Variants in INPP4B observed in about 807,000 individuals in gnomAD.
The protein encoded by INPP4B is inositol polyphosphate-4-phosphatase type II B, also known as inositol polyphosphate 4-phosphatase type II.
In INPP4B, 55 loss-of-function variants were observed where a neutral mutation model predicts 122.5. That is an observed-to-expected ratio of 0.45 (90% CI 0.36 to 0.56). INPP4B has a LOEUF of 0.56. Ranked by LOEUF, INPP4B falls within the 20% of genes least tolerant of loss-of-function variation. The pLI is 0.00. For missense variants in INPP4B, 1,000 were observed against 1,097.7 expected (o/e 0.91, Z 1.26); for synonymous variants, 403 against 388.7 (o/e 1.04, Z -0.43).
At chr4:142,405,349 A>G (rs766061288) in intron 5 of INPP4B, 25 bp from the exon 6 acceptor site, 2 of 1,408,096 alleles carry the variant, frequency 1.4e-6, no homozygotes, top group Non-Finnish European at 2.0e-6. Flanking sequence ...GGAGACAGAA[A>G]GAAAAGAAAC....
chr4:142,253,999 T>G (rs1032961438), intron 11 of INPP4B, among the ~76,000 whole-genome samples: 3 of 151,732 alleles, frequency 2.0e-5, no homozygotes, highest in African/African-American at 4.8e-5. Flanking sequence ...AGCTCGCAGC[T>G]AGAGATCTGA....
At chr4:142,521,545 G>T (rs1311867807) in intron 2 of INPP4B, among the ~76,000 whole-genome samples, 3 of 152,008 alleles carry the variant, frequency 2.0e-5, no homozygotes, top group African/African-American at 7.2e-5. Context: ...TTAGCACTTT[G>T]CCATATTTGG....
In INPP4B at chr4:142,634,270, C is replaced by T. The variant is rs187407782; in HGVS notation, c.-191+91569G>A. Among the ~76,000 whole-genome samples, 639 of 152,198 alleles carry T rather than the reference C, an allele frequency of 4.2e-3. 6 individuals carry two copies. Among genetic ancestry groups the T allele is most frequent in the African/African-American group, 0.015 (628 of 41,558 alleles). On this transcript the variant is annotated intron_variant, in intron 2 of 25. Coordinates refer to ENST00000262992, the MANE Select transcript of INPP4B (RefSeq NM_001101669.3). ...TCTATAAAACACTGAAGACAAAATA[C>T]ACCTCTTTCACAAATTGTTTCAGAG...
chr4:142,222,179 T>C (rs1215197999), intron 12 of INPP4B, among the ~76,000 whole-genome samples: 1 of 152,162 alleles, frequency 6.6e-6, no homozygotes, highest in East Asian at 1.9e-4. Flanking sequence ...AAGCTGGTCT[T>C]GAACTCCTGG....
intron 2 of INPP4B, among the ~76,000 whole-genome samples, chr4:142,669,008 A>T (rs1756583159): frequency 1.3e-5 from 2 of 152,146 alleles, no homozygotes; most frequent in African/African-American, 4.8e-5. Context: ...ATGAGCGGAG[A>T]TTGCGCCACT....
chr4:142,328,198 G>A (rs1042912024), intron 7 of INPP4B, among the ~76,000 whole-genome samples: 2 of 152,126 alleles, frequency 1.3e-5, no homozygotes, highest in Non-Finnish European at 2.9e-5. Flanking sequence ...AGAAAATAAG[G>A]AAATGTACAG....
chr4:142,215,420 C>T (rs75770031), intron 12 of INPP4B, among the ~76,000 whole-genome samples: 5,222 of 152,258 alleles, frequency 0.034, 293 homozygotes, highest in African/African-American at 0.12. Flanking sequence ...TAAACGTTCA[C>T]GTGCTTTAAA....
At chr4:142,109,372 G>T (rs150928649) in intron 22 of INPP4B, among the ~76,000 whole-genome samples, 154 of 152,186 alleles carry the variant, frequency 1.0e-3, no homozygotes, top group African/African-American at 3.6e-3. Context: ...TGCAATAAAT[G>T]AAATGTTGGA....
In INPP4B at chr4:142,714,837, G is replaced by C. The variant is rs574118452; in HGVS notation, c.-191+11002C>G. Among the ~76,000 whole-genome samples, 30 of 152,218 alleles carry C rather than the reference G, an allele frequency of 2.0e-4. 1 individual carries two copies. Among genetic ancestry groups the C allele is most frequent in the South Asian group, 8.3e-4 (4 of 4,820 alleles). The stretch of plus-strand genomic sequence containing the variant: ...GGGAGAACAAGGGCCCCAAATATTT[G>C]CAAAAGATATCTGGGTTATCTTCTG... On this transcript the variant is annotated intron_variant, in intron 2 of 25. Transcript: ENST00000262992.
At chr4:142,668,748 T>A (rs1233188134) in intron 2 of INPP4B, among the ~76,000 whole-genome samples, 1 of 152,096 alleles carries the variant, frequency 6.6e-6, no homozygotes, top group Non-Finnish European at 1.5e-5. Context: ...TAATAACTAC[T>A]AAAAAATAAA....
At chr4:142,305,954 T>C in intron 8 of INPP4B, 2 of 1,009,222 alleles carry the variant, frequency 2.0e-6, no homozygotes, top group Admixed American at 5.4e-5. Flanking sequence ...TGAGCAAATC[T>C]GTTAGTTGGA....
At chr4:142,572,570 A>G (rs1560816730) in intron 2 of INPP4B, among the ~76,000 whole-genome samples, 1 of 152,116 alleles carries the variant, frequency 6.6e-6, no homozygotes, top group Non-Finnish European at 1.5e-5. Context: ...CTCAGTTTGT[A>G]GTAGGATTGG....
chr4:142,764,922 C>T (rs988252191), intron 1 of INPP4B, among the ~76,000 whole-genome samples: 1 of 151,994 alleles, frequency 6.6e-6, no homozygotes, highest in Non-Finnish European at 1.5e-5. Flanking sequence ...CTCGTTAAGA[C>T]TAGGGACATA....
intron 2 of INPP4B, among the ~76,000 whole-genome samples, chr4:142,503,327 C>T (rs1165641368): frequency 2.0e-5 from 3 of 152,096 alleles, no homozygotes; most frequent in African/African-American, 7.2e-5. Flanking sequence ...TACAGTAGGG[C>T]AGTTTGAAGC....
At chr4:142,109,787 A>T (rs1789076526) in intron 22 of INPP4B, among the ~76,000 whole-genome samples, 1 of 152,060 alleles carries the variant, frequency 6.6e-6, no homozygotes, top group African/African-American at 2.4e-5. Flanking sequence ...ATGTTTGTTG[A>T]CTTGTCTTCC....
chr4:142,609,196 A>C (rs928656454), intron 2 of INPP4B, among the ~76,000 whole-genome samples: 3 of 151,008 alleles, frequency 2.0e-5, no homozygotes, highest in Admixed American at 6.6e-5. Flanking sequence ...ATTATTAAAT[A>C]TAAATATTTA....
At chr4:142,119,894 G>T (rs997725119) in intron 21 of INPP4B, among the ~76,000 whole-genome samples, 7 of 114,618 alleles carry the variant, frequency 6.1e-5, no homozygotes, top group African/African-American at 1.1e-4. Context: ...GTATATATAC[G>T]TGTGTATATA....
At chr4:142,767,615 GA>G (rs1033432444) in intron 1 of INPP4B, 3 of 152,138 alleles carry the variant, frequency 2.0e-5, no homozygotes, top group African/African-American at 7.2e-5. Flanking sequence ...CTCCAAAATA[GA>G]ACATGACAAG....
intron 14 of INPP4B, among the ~76,000 whole-genome samples, chr4:142,205,854 G>A (rs1842391648): frequency 1.3e-5 from 2 of 151,958 alleles, no homozygotes; most frequent in African/African-American, 4.8e-5. Context: ...GTAACACTTT[G>A]TTTCTGGTTA....
Sources: allele counts gnomAD v4.1 joint callset (sites outside exome capture counted in the v4.1 genomes callset), GRCh38; gene constraint gnomAD v4.1.1; transcripts MANE v1.5; gene names NCBI Gene and HGNC (gene_info 2026-07-23, HGNC 2026-07-21).